CAMKK1: variants seen among roughly 807,000 people sequenced by gnomAD.
CAMKK1 encodes calcium/calmodulin dependent protein kinase kinase 1, also known as calcium/calmodulin-dependent protein kinase kinase 1.
In CAMKK1, 20 loss-of-function variants were observed where a neutral mutation model predicts 63.5. The ratio of observed to expected loss-of-function variants is 0.32; its 90% CI spans 0.22 to 0.46. CAMKK1 has a LOEUF of 0.46. CAMKK1 is among the 20% of genes least tolerant of loss of function. The probability of loss-of-function intolerance (pLI) is 1.00; values close to 1 mark genes in which losing one functional copy is unlikely to be tolerated. For missense variants in CAMKK1, 588 were observed against 658.1 expected (o/e 0.89, Z 1.17); for synonymous variants, 253 against 269.0 (o/e 0.94, Z 0.58).
Position 3,862,116 on chromosome 17 carries a change from C to G in CAMKK1, c.*95G>C. 9.8e-7 allele frequency: 1 copy of G among 1,025,114 alleles called. No individual in the cohort carries two copies. 63.5% of individuals were successfully genotyped at this position (1,025,114 alleles called of 1,614,324 possible). A position where few individuals can be genotyped will look rare whatever the true frequency, so the allele number is the denominator to read the frequency against. On this transcript the variant is annotated 3_prime_UTR_variant, in exon 16 of 16. Transcript: ENST00000348335. The surrounding 1 kb of genome is among the most constrained non-coding windows in gnomAD (Gnocchi z 4.1). ...GCGGGAGTGGGGCTGCAGTCCCCAG[C>G]CCCCTGCCTGCGGGGGCGGCTGTTG...
At chr17:3,872,682 AG>A (rs2054944213) in intron 11 of CAMKK1, 55 bp from the exon 12 acceptor site, 1 of 1,505,486 alleles carries the variant, frequency 6.6e-7, no homozygotes, top group Non-Finnish European at 9.3e-7. Flanking sequence ...GACCTGTGCC[AG>A]GGGATCAACC....
At chr17:3,868,437 T>A (rs2054669596) in intron 14 of CAMKK1, among the ~76,000 whole-genome samples, 1 of 117,610 alleles carries the variant, frequency 8.5e-6, no homozygotes, top group South Asian at 3.2e-4. Context: ...GCTGCCTAAC[T>A]GATACGTGGG....
chr17:3,886,721 G>T (rs2055669064), intron 1 of CAMKK1, among the ~76,000 whole-genome samples: 1 of 152,124 alleles, frequency 6.6e-6, no homozygotes, highest in African/African-American at 2.4e-5. Flanking sequence ...AACTCACTGT[G>T]TGGCGGCTGA....
In CAMKK1 at chr17:3,862,419, C is replaced by T. The variant is rs2054360968; in HGVS notation, c.1446-136G>A. Reference sequence around the variant, plus strand: ...CTTCACCCACTGCCCCAAGCTTGGCCTCCCTCTGGCCTCCCTACATCACGG... The same window carrying T: ...CTTCACCCACTGCCCCAAGCTTGGCTTCCCTCTGGCCTCCCTACATCACGG... On this transcript the variant is annotated intron_variant, in intron 15 of 15. Transcript: ENST00000348335. This position sits in a 1 kb window ranked among gnomAD's most constrained non-coding sequence, Gnocchi z 4.1. The T allele has an allele frequency of 6.8e-6, 5 of 736,064 alleles. No individual in the cohort carries two copies. In the South Asian group the frequency reaches 8.4e-5, roughly 12 times the overall value. 45.6% of individuals were successfully genotyped at this position (736,064 alleles called of 1,614,324 possible). A position where few individuals can be genotyped will look rare whatever the true frequency, so the allele number is the denominator to read the frequency against.
chr17:3,869,612 G>A lies in CAMKK1; in HGVS notation c.1216C>T (p.His406Tyr), dbSNP rs1211395047. 10 of 1,614,080 alleles carry A rather than the reference G, an allele frequency of 6.2e-6. No homozygotes were observed. Among genetic ancestry groups the A allele is most frequent in the African/African-American group, 1.3e-5 (1 of 74,946 alleles). The part of the protein sequence containing the change: ...TRIGVPDIKL[H>Y]PWVTKNGEEP... Reference sequence around the variant, plus strand: ...TCCCCGTTCTTGGTCACCCAAGGGTGCAACTGTCGGGGCCGGGAGGGCAGG... The same window carrying A: ...TCCCCGTTCTTGGTCACCCAAGGGTACAACTGTCGGGGCCGGGAGGGCAGG... The change falls in exon 14 of 16, where the codon CAC becomes TAC. Residue 406 changes from histidine (H) to tyrosine (Y), a missense_variant. Around this residue, in one of 3 missense-constraint regions of CAMKK1, gnomAD observed 226 missense variants for 229.2 expected, o/e 0.99. Coordinates refer to ENST00000348335, the MANE Select transcript of CAMKK1 (RefSeq NM_032294.3).
Position 3,880,128 on chromosome 17 carries a change from G to A in CAMKK1, c.796+218C>T, listed in dbSNP as rs1042328901. On this transcript the variant is annotated intron_variant, in intron 9 of 15. Transcript: ENST00000348335. ...GACTCAGACCCACAGGACCAGACAC[G>A]ACGAAGGATCTGGCACATGCCCAGT... 20 of 572,610 alleles carry A rather than the reference G, an allele frequency of 3.5e-5. 1 individual carries two copies. The highest frequency in any genetic ancestry group is 1.3e-4 in the South Asian group (6 of 47,104). 35.5% of individuals were successfully genotyped at this position (572,610 alleles called of 1,614,324 possible). A position where few individuals can be genotyped will look rare whatever the true frequency, so the allele number is the denominator to read the frequency against.
In CAMKK1 at chr17:3,865,586, G is replaced by A. The variant is rs963424711; in HGVS notation, c.1445+322C>T. ...CAGATTTGAAGCCCCAGAGGGGCTG[G>A]ACCCAGTGAGAGAGTGACATCAAGC... On this transcript the variant is annotated intron_variant, in intron 15 of 15. Coordinates refer to ENST00000348335, the MANE Select transcript of CAMKK1 (RefSeq NM_032294.3). 1.2e-5 allele frequency: 14 copies of A among 1,156,604 alleles called. No homozygotes were observed. In the Admixed American group the frequency reaches 1.6e-4, roughly 13 times the overall value. 71.6% of individuals were successfully genotyped at this position (1,156,604 alleles called of 1,614,324 possible). A position where few individuals can be genotyped will look rare whatever the true frequency, so the allele number is the denominator to read the frequency against.
At chr17:3,891,267 A>AAGTCT (rs1303878698) in intron 1 of CAMKK1, among the ~76,000 whole-genome samples, 1 of 152,178 alleles carries the variant, frequency 6.6e-6, no homozygotes, top group Non-Finnish European at 1.5e-5. Flanking sequence ...GCTCTCATAC[A>AAGTCT]GTTTAATTTC....
intron 1 of CAMKK1, 54 bp from the exon 2 acceptor site, chr17:3,885,784 G>A (rs143200846): frequency 2.1e-5 from 33 of 1,541,968 alleles, no homozygotes; most frequent in Admixed American, 2.1e-4. Flanking sequence ...CTGGCTACCA[G>A]GTAAGGTAGC....
intron 14 of CAMKK1, among the ~76,000 whole-genome samples, chr17:3,867,606 G>C (rs1434222688): frequency 6.6e-6 from 1 of 152,158 alleles, no homozygotes; most frequent in African/African-American, 2.4e-5. Context: ...CAGGCAAGTG[G>C]TCATGGGGAC....
chr17:3,883,759 C>A lies in CAMKK1; in HGVS notation c.462+125G>T. The A allele has an allele frequency of 2.2e-6, 2 of 909,918 alleles. No homozygotes were observed. Among genetic ancestry groups the A allele is most frequent in the African/African-American group, 1.6e-5 (1 of 61,598 alleles). 56.4% of individuals were successfully genotyped at this position (909,918 alleles called of 1,614,324 possible). On this transcript the variant is annotated intron_variant, in intron 4 of 15. Transcript: ENST00000348335. The surrounding 1 kb of genome is among the most constrained non-coding windows in gnomAD (Gnocchi z 4.7). ...TAGGAAGCTCATTCCTTTGCATACC[C>A]CTAGGGACAGGGAGCTCACTCTCAG...
intron 9 of CAMKK1, chr17:3,878,719 C>T (rs1756587329): frequency 1.3e-5 from 2 of 152,234 alleles, no homozygotes; most frequent in Admixed American, 1.3e-4. Context: ...GATCCCCACC[C>T]TGTTCCCCCA....
At chr17:3,875,947 A>G (rs1304927669) in intron 10 of CAMKK1, among the ~76,000 whole-genome samples, 1 of 152,188 alleles carries the variant, frequency 6.6e-6, no homozygotes, top group Non-Finnish European at 1.5e-5. Context: ...AGGGCAGGAA[A>G]CAGGGTTCTC....
intron 14 of CAMKK1, among the ~76,000 whole-genome samples, chr17:3,867,927 G>A (rs951808761): frequency 4.0e-5 from 6 of 151,476 alleles, no homozygotes; most frequent in South Asian, 2.1e-4. Flanking sequence ...AAATGTGAGC[G>A]GGCACTAGGG....
Position 3,876,231 on chromosome 17 carries a change from T to C in CAMKK1, c.988A>G (p.Ser330Gly). The change falls in exon 10 of 16, where the codon AGT (serine) becomes GGT (glycine). Residue 330 changes from serine to glycine, a missense_variant. Physicochemically the swap from Ser to Gly is moderately conservative, Grantham distance 56. This residue lies in a region of CAMKK1 where 226 missense variants were observed against 229.2 expected (regional missense o/e 0.99). Coordinates refer to ENST00000348335, the MANE Select transcript of CAMKK1 (RefSeq NM_032294.3). ...CAGGGCCTGCGAGTCACCTTCCCAC[T>C]GAAGCTCTGGCCGGAATCAGAAATG... is the stretch of plus-strand genomic sequence containing the variant. ...EAISDSGQSF[S>G]GKALDVWATG... The C allele has an allele frequency of 6.2e-7, 1 of 1,614,030 alleles. No individual in the cohort carries two copies. The highest frequency in any genetic ancestry group is 1.7e-5 in the Admixed American group (1 of 60,022).
At chr17:3,872,961 C>A (rs1417624253) in intron 11 of CAMKK1, among the ~76,000 whole-genome samples, 1 of 152,198 alleles carries the variant, frequency 6.6e-6, no homozygotes, top group Non-Finnish European at 1.5e-5. Flanking sequence ...ACTGAAATTC[C>A]CCCCTGCCCC....
rs2055851801 is a variant in CAMKK1 at position 3,890,388 on chromosome 17, C to G, written c.-44+2551G>C. On this transcript the variant is annotated intron_variant, in intron 1 of 15. Transcript: ENST00000348335. The surrounding 1 kb of genome is among the most constrained non-coding windows in gnomAD (Gnocchi z 6.5). ...CATCGTCCTGGCCCACCCACGGAGG[C>G]TGATGGTCTCCAGGCCTCATCCTCT... Among the ~76,000 whole-genome samples, 1 of 152,158 alleles carries G rather than the reference C, an allele frequency of 6.6e-6. No homozygotes were observed. The highest frequency in any genetic ancestry group is 2.4e-5 in the African/African-American group (1 of 41,434).
Position 3,884,531 on chromosome 17 carries a change from C to A in CAMKK1, c.361-104G>T. The A allele has an allele frequency of 1.9e-6, 2 of 1,059,692 alleles. No individual in the cohort carries two copies. The highest frequency in any genetic ancestry group is 1.4e-6 in the Non-Finnish European group (1 of 726,106). 65.6% of individuals were successfully genotyped at this position (1,059,692 alleles called of 1,614,324 possible). A position where few individuals can be genotyped will look rare whatever the true frequency, so the allele number is the denominator to read the frequency against. On this transcript the variant is annotated intron_variant, in intron 2 of 15. Coordinates refer to ENST00000348335, the MANE Select transcript of CAMKK1 (RefSeq NM_032294.3). The surrounding 1 kb of genome is among the most constrained non-coding windows in gnomAD (Gnocchi z 4.5). ...CAATTCTGGCCATAAGCTCCTCATT[C>A]CCGGACCCCCAGGTCTCACCAAGCT...
At chr17:3,870,806 G>T (rs1000761603) in intron 12 of CAMKK1, among the ~76,000 whole-genome samples, 1 of 152,132 alleles carries the variant, frequency 6.6e-6, no homozygotes, top group African/African-American at 2.4e-5. Flanking sequence ...TTCCTGGGCT[G>T]AGGGGAAAGA....
Sources: allele counts gnomAD v4.1 joint callset (sites outside exome capture counted in the v4.1 genomes callset), GRCh38; gene constraint gnomAD v4.1.1; regional missense constraint gnomAD v4.1.1; non-coding constraint Gnocchi (gnomAD v3.1); transcripts MANE v1.5; gene names NCBI Gene and HGNC (gene_info 2026-07-23, HGNC 2026-07-21).